The following COL21A1 variants were observed in gnomAD, a reference collection of about 807,000 sequenced individuals.
COL21A1 encodes collagen type XXI alpha 1 chain, also known as collagen alpha-1(XXI) chain.
COL21A1 carries 149 observed loss-of-function variants against 137.9 expected under a neutral mutation model. That is an observed-to-expected ratio of 1.08 (90% CI 0.95 to 1.24). The LOEUF (loss-of-function observed/expected upper bound fraction) is 1.24. Among genes scored for constraint, COL21A1 ranks in the 50% most tolerant of loss-of-function variants. The pLI is 0.00. For missense variants in COL21A1, 1,167 were observed against 1,158.4 expected (o/e 1.01, Z -0.11); for synonymous variants, 456 against 391.5 (o/e 1.16, Z -1.95).
intron 1 of COL21A1, among the ~76,000 whole-genome samples, chr6:56,254,148 C>T (rs760689154): frequency 5.9e-5 from 9 of 152,186 alleles, no homozygotes; most frequent in Admixed American, 1.3e-4. Context: ...GGCTGACAGT[C>T]CAATTCAACT....
chr6:56,166,988 G>C lies in COL21A1; in HGVS notation c.1201-5C>G. 1 of 1,606,342 alleles carries C rather than the reference G, an allele frequency of 6.2e-7. No homozygotes were observed. The highest frequency in any genetic ancestry group is 8.5e-7 in the Non-Finnish European group (1 of 1,175,204). ...TCGCAACTTTTGGACATCAAACTAA[G>C]AACATAAACCCAGTAGAATTAAAGT... On this transcript the variant is annotated splice_region_variant and splice_polypyrimidine_tract_variant and intron_variant, in intron 6 of 29. Transcript: ENST00000244728.
intron 12 of COL21A1, among the ~76,000 whole-genome samples, chr6:56,139,469 A>G (rs535845020): frequency 1.9e-4 from 28 of 148,462 alleles, no homozygotes; most frequent in African/African-American, 7.0e-4. Context: ...TCTCACACAC[A>G]TGCACACTTG....
chr6:56,268,395 C>T (rs1188822173), intron 1 of COL21A1, among the ~76,000 whole-genome samples: 1 of 152,150 alleles, frequency 6.6e-6, no homozygotes, highest in East Asian at 1.9e-4. Flanking sequence ...GTCTCTCAAA[C>T]CCCCACTACA....
At chr6:56,163,085 A>G (rs1776303586) in intron 9 of COL21A1, among the ~76,000 whole-genome samples, 2 of 152,350 alleles carry the variant, frequency 1.3e-5, no homozygotes, top group South Asian at 2.1e-4. Flanking sequence ...AAAAACATAC[A>G]TAAAAGATAG....
In COL21A1 at chr6:56,171,115, T is replaced by C. The variant is rs754146092; in HGVS notation, c.654A>G (p.Pro218=). The C allele has an allele frequency of 1.0e-5, 16 of 1,598,356 alleles. No individual in the cohort carries two copies. The highest frequency in any genetic ancestry group is 2.2e-5 in the East Asian group (1 of 44,752). Residue 218 remains proline (P), a synonymous_variant, in exon 4 of 30, where the codon CCA becomes CCG. Coordinates refer to ENST00000244728, the MANE Select transcript of COL21A1 (RefSeq NM_030820.4). ...KQKLCEESVC[P]TRIPVAARDE... is the part of the protein sequence containing the mutation. ...CACGAGCTGCCACTGGAATTCGTGT[T>C]GGACAGACAGATTCTATAAAGCAAA...
intron 1 of COL21A1, among the ~76,000 whole-genome samples, chr6:56,183,166 A>G (rs781522656): frequency 6.6e-6 from 1 of 152,228 alleles, no homozygotes; most frequent in Non-Finnish European, 1.5e-5. Context: ...CATAGTTTTC[A>G]TACACCATCT....
intron 1 of COL21A1, among the ~76,000 whole-genome samples, chr6:56,188,041 C>T (rs1017542086): frequency 5.3e-5 from 8 of 152,112 alleles, no homozygotes; most frequent in East Asian, 1.9e-4. Context: ...TAATATAGTA[C>T]TCATCATCAC....
intron 1 of COL21A1, among the ~76,000 whole-genome samples, chr6:56,231,669 G>C (rs1005146380): frequency 1.3e-5 from 2 of 151,636 alleles, no homozygotes; most frequent in African/African-American, 4.8e-5. Flanking sequence ...TTTCTAAGCT[G>C]CAAAAAAAGT....
At chr6:56,355,937 A>G (rs543424517) in intron 1 of COL21A1, among the ~76,000 whole-genome samples, 4 of 152,350 alleles carry the variant, frequency 2.6e-5, no homozygotes, top group Admixed American at 2.0e-4. Context: ...AGGCTCTGCC[A>G]TCAAACTGAA....
At chr6:56,062,416 G>C (rs1765875704) in intron 24 of COL21A1, among the ~76,000 whole-genome samples, 1 of 152,032 alleles carries the variant, frequency 6.6e-6, no homozygotes, top group African/African-American at 2.4e-5. Context: ...CTCAGGAAAG[G>C]TATTAACATT....
chr6:56,075,190 A>G (rs1206703489), intron 19 of COL21A1, among the ~76,000 whole-genome samples: 3 of 151,474 alleles, frequency 2.0e-5, no homozygotes, highest in South Asian at 2.1e-4. Flanking sequence ...AATGGTACTT[A>G]GTATTTTTAA....
intron 1 of COL21A1, among the ~76,000 whole-genome samples, chr6:56,280,945 C>A (rs926719392): frequency 6.6e-6 from 1 of 152,166 alleles, no homozygotes; most frequent in Non-Finnish European, 1.5e-5. Context: ...GTTAAGCCTG[C>A]AGTGGGCCAT....
chr6:56,074,573 A>G (rs368903946), intron 19 of COL21A1, among the ~76,000 whole-genome samples: 3 of 151,528 alleles, frequency 2.0e-5, no homozygotes, highest in African/African-American at 7.2e-5. Context: ...AGAAAAATAT[A>G]AAGGAAAATT....
intron 1 of COL21A1, among the ~76,000 whole-genome samples, chr6:56,236,314 T>G (rs1385846061): frequency 6.6e-6 from 1 of 151,884 alleles, no homozygotes; most frequent in African/African-American, 2.4e-5. Context: ...CAGGGAGAAG[T>G]TTTTCAGTTT....
rs760553234 is a variant in COL21A1 at position 56,067,304 on chromosome 6, T to C, written c.2118A>G (p.Lys706=). 1.2e-6 allele frequency: 2 copies of C among 1,603,296 alleles called. No homozygotes were observed. The highest frequency in any genetic ancestry group is 1.7e-6 in the Non-Finnish European group (2 of 1,172,468). ...KKGDKGNQGE[K]GIQGQKGENG... ...AAAGCAAACAACATACCTGAATACC[T>C]TTTTCACCTTGATTTCCTTTGTCCC... The change falls in exon 23 of 30, where the codon AAA becomes AAG. Residue 706 remains lysine (K), a synonymous_variant. Transcript: ENST00000244728.
chr6:56,312,264 T>C (rs1343608255), intron 1 of COL21A1, among the ~76,000 whole-genome samples: 1 of 152,140 alleles, frequency 6.6e-6, no homozygotes, highest in Non-Finnish European at 1.5e-5. Context: ...AGAAGGTTAA[T>C]GCAAACAAGC....
chr6:56,233,678 A>T (rs931250222), intron 1 of COL21A1, among the ~76,000 whole-genome samples: 2 of 151,662 alleles, frequency 1.3e-5, no homozygotes, highest in Admixed American at 1.3e-4. Context: ...AAAATTTCAG[A>T]GCTAAATTAA....
At chr6:56,358,155 A>C (rs1307096535) in intron 1 of COL21A1, among the ~76,000 whole-genome samples, 1 of 152,094 alleles carries the variant, frequency 6.6e-6, no homozygotes, top group Non-Finnish European at 1.5e-5. Context: ...ATGATGTGTC[A>C]CTTTTGATAC....
In COL21A1 at chr6:56,060,159, G is replaced by A; in HGVS notation, c.2467C>T (p.Gln823Ter). ...RIRNCDHCLS[Q>*]HGSPGIPGPP... The stretch of plus-strand genomic sequence containing the variant: ...CCAGGAATACCCGGGGAGCCATGTT[G>A]GGACAGGCAATGATCACAATTTCTA... Residue 823 changes from glutamine to a stop codon, truncating the protein, a stop_gained, in exon 28 of 30, where the codon CAA becomes TAA. Coordinates refer to ENST00000244728, the MANE Select transcript of COL21A1 (RefSeq NM_030820.4). LOFTEE classifies it high-confidence loss of function. 1.2e-6 allele frequency: 2 copies of A among 1,610,822 alleles called. No individual in the cohort carries two copies. The highest frequency in any genetic ancestry group is 2.2e-5 in the South Asian group (2 of 90,610).
Sources: gnomAD v4.1 joint callset for allele counts (sites outside exome capture counted in the v4.1 genomes callset) on GRCh38, gnomAD v4.1.1 for gene constraint, MANE v1.5 for transcripts, NCBI Gene and HGNC (gene_info 2026-07-23, HGNC 2026-07-21) for gene names.